SENP1: variants seen among roughly 807,000 people sequenced by gnomAD.
The protein encoded by SENP1 is sentrin-specific protease 1.
Under a neutral mutation model 93.0 loss-of-function variants are expected in SENP1, and 21 were observed. The ratio of observed to expected loss-of-function variants is 0.23; its 90% CI spans 0.16 to 0.33. The LOEUF (loss-of-function observed/expected upper bound fraction) is 0.33. SENP1 is among the 10% of genes least tolerant of loss of function. The pLI, the probability that SENP1 is intolerant of heterozygous loss-of-function variation, is 1.00. For missense variants in SENP1, 591 were observed against 758.7 expected (o/e 0.78, Z 2.60); for synonymous variants, 256 against 259.6 (o/e 0.99, Z 0.13).
rs1303267670 is a variant in SENP1, at chr12:48,078,330, T to TAC, written c.553-3538_553-3537insGT. On this transcript the variant is annotated intron_variant, in intron 6 of 17. Coordinates refer to ENST00000549518, the MANE Select transcript of SENP1 (RefSeq NM_001267594.2). ...GTCTGTAGGATTTTATATATATATA[T>TAC]ATATACACACACATATATATATACA... Among the ~76,000 whole-genome samples, 6 of 83,726 alleles carry TAC rather than the reference T, an allele frequency of 7.2e-5. 1 individual carries two copies. The highest frequency in any genetic ancestry group is 9.3e-4 in the South Asian group (2 of 2,152). The allele number at this position is 83,726 out of a possible 152,430, so 54.9% of individuals were successfully genotyped here.
chr12:48,059,880 G>C (rs560958510), intron 13 of SENP1, among the ~76,000 whole-genome samples: 1 of 152,248 alleles, frequency 6.6e-6, no homozygotes, highest in Admixed American at 6.5e-5. Flanking sequence ...CTGTGACTTA[G>C]GAGGTTTTTC....
intron 7 of SENP1, 26 bp from the exon 8 acceptor site, chr12:48,074,633 A>G (rs1943935964): frequency 6.2e-7 from 1 of 1,607,398 alleles, no homozygotes; most frequent in African/African-American, 1.3e-5. Flanking sequence ...TATTGTTTCA[A>G]TATCAAGTAA....
At chr12:48,084,637 A>C (rs749536296) in intron 5 of SENP1, among the ~76,000 whole-genome samples, 3 of 151,986 alleles carry the variant, frequency 2.0e-5, no homozygotes, top group African/African-American at 4.8e-5. Flanking sequence ...TTGTAGAGAC[A>C]GGGTTTCACC....
At chr12:48,096,174 T>C (rs1198417706) in intron 4 of SENP1, among the ~76,000 whole-genome samples, 169 bp downstream of exon 4, 2 of 152,194 alleles carry the variant, frequency 1.3e-5, no homozygotes, top group African/African-American at 4.8e-5. Flanking sequence ...CAGTAAAGTA[T>C]CATAGCAACC....
chr12:48,072,026 GAACATGGCAGGATTCCTTAA>G (rs1943739322), intron 8 of SENP1, among the ~76,000 whole-genome samples: 1 of 152,172 alleles, frequency 6.6e-6, no homozygotes, highest in African/African-American at 2.4e-5. Context: ...AGGAGAACAA[GAACATGGCAGGATTCCTTAA>G]AAGTCTTCAT....
At chr12:48,092,845 C>T (rs1477219420) in intron 4 of SENP1, among the ~76,000 whole-genome samples, 1 of 152,074 alleles carries the variant, frequency 6.6e-6, no homozygotes, top group Non-Finnish European at 1.5e-5. Flanking sequence ...CCAAATATTA[C>T]ATTAGGACTT....
At chr12:48,098,307 T>A (rs559656065) in intron 2 of SENP1, among the ~76,000 whole-genome samples, 183 bp from the exon 3 acceptor site, 4 of 150,236 alleles carry the variant, frequency 2.7e-5, no homozygotes, top group African/African-American at 4.9e-5. Context: ...TCAAGATCTA[T>A]CTAGGCAACA....
Position 48,074,757 on chromosome 12 carries a change from G to A in SENP1, c.589C>T (p.Leu197=). The A allele has an allele frequency of 6.2e-7, 1 of 1,612,694 alleles. No individual in the cohort carries two copies. The highest frequency in any genetic ancestry group is 8.5e-7 in the Non-Finnish European group (1 of 1,179,324). ...QEEEREIYRQ[L]LQMVTGKQFT... ...TGTTTCCCTGTGACCATCTGTAGCA[G>A]CTGTCTGTAAATCTCTCTTTCTTCT... The change falls in exon 7 of 18, where the codon CTG becomes TTG. Residue 197 remains leucine (L), a synonymous_variant. Coordinates refer to ENST00000549518, the MANE Select transcript of SENP1 (RefSeq NM_001267594.2).
chr12:48,052,594 T>C (rs1401518882), intron 13 of SENP1, among the ~76,000 whole-genome samples: 1 of 152,166 alleles, frequency 6.6e-6, no homozygotes, highest in African/African-American at 2.4e-5. Flanking sequence ...TCACAGGAGC[T>C]AACCTAGTAA....
chr12:48,045,948 T>TG (rs1192764633), intron 17 of SENP1, among the ~76,000 whole-genome samples: 2 of 152,096 alleles, frequency 1.3e-5, no homozygotes, highest in African/African-American at 4.8e-5. Context: ...ATTCATCAAG[T>TG]GAGGGGTCAG....
intron 14 of SENP1, among the ~76,000 whole-genome samples, chr12:48,048,554 A>G (rs149774810): frequency 0.011 from 1,728 of 152,346 alleles, 40 homozygotes; most frequent in African/African-American, 0.039. Context: ...TAATGCTCAC[A>G]GAGTCATAAA....
rs11168376 is a variant in SENP1, at chr12:48,057,671, C to T, written c.1407+6039G>A. 6.8e-3 allele frequency among the ~76,000 whole-genome samples: 1,012 copies of T among 149,692 alleles called. 14 individuals carry two copies. The highest frequency in any genetic ancestry group is 0.033 in the East Asian group (167 of 5,120). On this transcript the variant is annotated intron_variant, in intron 13 of 17. Transcript: ENST00000549518. Reference sequence around the variant, plus strand: ...TGTCATCCAGGCTGGAGTACAGTGGCGCGATCTCAGCTCACTGCAACCTCT... The same window carrying T: ...TGTCATCCAGGCTGGAGTACAGTGGTGCGATCTCAGCTCACTGCAACCTCT...
intron 6 of SENP1, among the ~76,000 whole-genome samples, chr12:48,082,835 G>T (rs1311392830): frequency 1.3e-5 from 2 of 152,146 alleles, no homozygotes; most frequent in Non-Finnish European, 2.9e-5. Flanking sequence ...TGTTTAACTA[G>T]CTTTTTGATT....
intron 1 of SENP1, chr12:48,105,498 T>C: frequency 1.9e-6 from 1 of 519,106 alleles, no homozygotes; most frequent in Non-Finnish European, 3.8e-6. Flanking sequence ...ATGGTGGCAC[T>C]AGCGATATCA....
At chr12:48,105,991 A>G in intron 1 of SENP1, 37 bp downstream of exon 1, 1 of 700,458 alleles carries the variant, frequency 1.4e-6, no homozygotes, top group East Asian at 2.7e-5. Flanking sequence ...GGCTCCCTCC[A>G]TCCTCACCCC....
intron 2 of SENP1, among the ~76,000 whole-genome samples, chr12:48,101,075 C>G (rs911534158): frequency 1.3e-5 from 2 of 152,164 alleles, no homozygotes; most frequent in African/African-American, 4.8e-5. Flanking sequence ...CACCTGAGGT[C>G]AGGGGTTTGA....
intron 14 of SENP1, among the ~76,000 whole-genome samples, chr12:48,048,695 C>G (rs1941558916): frequency 6.6e-6 from 1 of 152,120 alleles, no homozygotes; most frequent in African/African-American, 2.4e-5. Context: ...TGCTTAGACA[C>G]CCTATAACTC....
intron 1 of SENP1, among the ~76,000 whole-genome samples, chr12:48,102,364 A>G (rs1054493614): frequency 6.9e-6 from 1 of 145,366 alleles, no homozygotes; most frequent in Admixed American, 7.1e-5. Context: ...CCCAGGAAGC[A>G]GAGGTTGCAG....
chr12:48,079,157 T>C (rs1348670286), intron 6 of SENP1, among the ~76,000 whole-genome samples: 1 of 146,884 alleles, frequency 6.8e-6, no homozygotes, highest in Non-Finnish European at 1.5e-5. Context: ...TTCATAAAAT[T>C]AAAAAAAAAA....
Sources: gnomAD v4.1 joint callset for allele counts (sites outside exome capture counted in the v4.1 genomes callset) on GRCh38, gnomAD v4.1.1 for gene constraint, MANE v1.5 for transcripts, NCBI Gene and HGNC (gene_info 2026-07-23, HGNC 2026-07-21) for gene names.